ENTREP2: variants seen among roughly 807,000 people sequenced by gnomAD.
ENTREP2 encodes the protein endosomal transmembrane epsin interactor 2.
chr15:29,195,340 C>G, the ENTREP2 span: 18 of 985,090 alleles, frequency 1.8e-5, no homozygotes, highest in Non-Finnish European at 2.2e-5. Flanking sequence ...CCATGGAGGA[C>G]TAATCACAAG....
chr15:29,369,772 T>C, the ENTREP2 span, among the ~76,000 whole-genome samples: 1 of 152,206 alleles, frequency 6.6e-6, no homozygotes, highest in Non-Finnish European at 1.5e-5. Flanking sequence ...AATGCAACAG[T>C]GTTTGGAGGT....
At chr15:29,648,947 AC>A in the ENTREP2 span, among the ~76,000 whole-genome samples, 71 of 151,408 alleles carry the variant, frequency 4.7e-4, no homozygotes, top group African/African-American at 1.3e-3. Context: ...AAAAAAAAAA[AC>A]AACAACAAAA....
the ENTREP2 span, among the ~76,000 whole-genome samples, chr15:29,465,075 C>T: frequency 3.9e-5 from 6 of 151,984 alleles, no homozygotes; most frequent in Non-Finnish European, 8.8e-5. Flanking sequence ...GAGGCAGTGA[C>T]GATGCGGTTG....
chr15:29,662,211 CAAAAAAAAAAAAAAA>C, the ENTREP2 span, among the ~76,000 whole-genome samples: 1,773 of 47,052 alleles, frequency 0.038, 58 homozygotes, highest in African/African-American at 0.11. Context: ...AACCCTGTCG[CAAAAAAAAAAAAAAA>C]AAAAAAAGAA....
At chr15:29,444,251 A>G in the ENTREP2 span, among the ~76,000 whole-genome samples, 3 of 150,006 alleles carry the variant, frequency 2.0e-5, no homozygotes, top group East Asian at 5.9e-4. Flanking sequence ...AGAAAGAAAG[A>G]GAAAGAGAAA....
the ENTREP2 span, among the ~76,000 whole-genome samples, chr15:29,348,734 A>C: frequency 6.6e-6 from 1 of 152,258 alleles, no homozygotes; most frequent in African/African-American, 2.4e-5. Context: ...AAAGGCCATA[A>C]AGAAGTCACA....
chr15:29,200,473 G>A, the ENTREP2 span, among the ~76,000 whole-genome samples: 7 of 151,844 alleles, frequency 4.6e-5, no homozygotes, highest in Admixed American at 2.6e-4. Context: ...ACCACACCTC[G>A]TCTCCATATA....
At chr15:29,657,251 G>T in the ENTREP2 span, among the ~76,000 whole-genome samples, 10 of 151,358 alleles carry the variant, frequency 6.6e-5, no homozygotes, top group African/African-American at 1.2e-4. Flanking sequence ...AGTGGCTACA[G>T]GGTTTCACCG....
the ENTREP2 span, among the ~76,000 whole-genome samples, chr15:29,618,352 G>A: frequency 6.6e-6 from 1 of 151,830 alleles, no homozygotes; most frequent in Non-Finnish European, 1.5e-5. Context: ...GAACCCGGGA[G>A]GCGGAGGTTG....
At chr15:29,516,610 G>C in the ENTREP2 span, among the ~76,000 whole-genome samples, 1 of 151,996 alleles carries the variant, frequency 6.6e-6, no homozygotes, top group East Asian at 1.9e-4. Context: ...GAGGGGATGG[G>C]GGGGTGCAGG....
At chr15:29,577,313 G>GGTGTGTGTGT in the ENTREP2 span, among the ~76,000 whole-genome samples, 26,505 of 139,534 alleles carry the variant, frequency 0.19, 2,920 homozygotes, top group Non-Finnish European at 0.26. Context: ...GACTCAAAGA[G>GGTGTGTGTGT]GTGTGTGTGT....
the ENTREP2 span, among the ~76,000 whole-genome samples, chr15:29,219,179 G>A: frequency 8.6e-5 from 13 of 151,164 alleles, no homozygotes; most frequent in East Asian, 3.9e-4. Flanking sequence ...CTCAAAAGAA[G>A]ATATACAAAT....
chr15:29,243,062 T>G, the ENTREP2 span, among the ~76,000 whole-genome samples: 1 of 152,226 alleles, frequency 6.6e-6, no homozygotes, highest in Non-Finnish European at 1.5e-5. Context: ...ACGGCGAGGA[T>G]GCTGGACAGC....
the ENTREP2 span, among the ~76,000 whole-genome samples, chr15:29,486,980 T>C: frequency 6.6e-5 from 10 of 152,240 alleles, no homozygotes; most frequent in African/African-American, 1.9e-4. Context: ...TATAGCACTA[T>C]AGGGTGAATA....
the ENTREP2 span, among the ~76,000 whole-genome samples, chr15:29,617,432 C>A: frequency 6.6e-6 from 1 of 152,162 alleles, no homozygotes; most frequent in Non-Finnish European, 1.5e-5. Context: ...TCAATGGATT[C>A]AAATGCCAAT....
At chr15:29,129,549 C>T in the ENTREP2 span, among the ~76,000 whole-genome samples, 1 of 152,196 alleles carries the variant, frequency 6.6e-6, no homozygotes, top group South Asian at 2.1e-4. Flanking sequence ...GTGGTGCAAT[C>T]ATAGCTCACT....
At chr15:29,272,272 C>G in the ENTREP2 span, among the ~76,000 whole-genome samples, 21,650 of 152,030 alleles carry the variant, frequency 0.14, 1,823 homozygotes, top group African/African-American at 0.22. Context: ...CCATGGATGT[C>G]TGGGGAGAAA....
At chr15:29,434,931 C>G in the ENTREP2 span, among the ~76,000 whole-genome samples, 1 of 152,180 alleles carries the variant, frequency 6.6e-6, no homozygotes, top group South Asian at 2.1e-4. Flanking sequence ...TCGAGTTTCT[C>G]AAAATGGGAG....
the ENTREP2 span, among the ~76,000 whole-genome samples, chr15:29,638,899 C>T: frequency 6.6e-6 from 1 of 152,224 alleles, no homozygotes; most frequent in Non-Finnish European, 1.5e-5. Context: ...TGTGAGCCCT[C>T]AGCTCAAAGG....
Sources: allele counts gnomAD v4.1 joint callset (sites outside exome capture counted in the v4.1 genomes callset), GRCh38; gene constraint gnomAD v4.1.1; transcripts MANE v1.5; gene names NCBI Gene and HGNC (gene_info 2026-07-23, HGNC 2026-07-21).